Variants in ATG5 observed in about 807,000 individuals in gnomAD.
ATG5 encodes the protein autophagy related 5.
In ATG5, 14 loss-of-function variants were observed where a neutral mutation model predicts 36.5. That is an observed-to-expected ratio of 0.38 (90% CI 0.25 to 0.60). The LOEUF is 0.60. Among genes scored for constraint, ATG5 ranks in the 20% least tolerant of loss-of-function variants. ATG5 has a pLI of 0.60. For missense variants in ATG5, 195 were observed against 326.7 expected, an observed-to-expected ratio of 0.60 and a Z score of 3.11; for synonymous variants, 95 against 101.5, an observed-to-expected ratio of 0.94 and a Z score of 0.38.
rs747729674 is a variant in ATG5 at position 106,279,616 on chromosome 6, T to C, written c.478+45A>G. 4 of 1,364,694 alleles carry C rather than the reference T, an allele frequency of 2.9e-6. No individual in the cohort carries two copies. In the African/African-American group the frequency reaches 4.4e-5, roughly 15 times the overall value. The allele number at this position is 1,364,694 out of a possible 1,614,324, so 84.5% of individuals were successfully genotyped here. A position where few individuals can be genotyped will look rare whatever the true frequency, so the allele number is the denominator to read the frequency against. On this transcript the variant is annotated intron_variant, in intron 5 of 7. Coordinates refer to ENST00000369076, the MANE Select transcript of ATG5 (RefSeq NM_004849.4). ...TACTCACAGGGTTATGGCTGTATCA[T>C]ATTTTATAAAGTGGTATTCTAAAAT...
intron 7 of ATG5, among the ~76,000 whole-genome samples, chr6:106,194,824 G>A (rs1006853654): frequency 6.6e-6 from 1 of 152,052 alleles, no homozygotes; most frequent in Non-Finnish European, 1.5e-5. Flanking sequence ...TTAGAAGACT[G>A]GGAAATGAAG....
intron 5 of ATG5, among the ~76,000 whole-genome samples, chr6:106,270,197 A>G (rs1033505322): frequency 7.9e-5 from 12 of 152,154 alleles, no homozygotes; most frequent in African/African-American, 2.7e-4. Flanking sequence ...ATGAACTCTA[A>G]AAATCTCACC....
intron 4 of ATG5, among the ~76,000 whole-genome samples, chr6:106,280,554 C>T (rs934487833): frequency 2.0e-5 from 3 of 150,342 alleles, no homozygotes; most frequent in Non-Finnish European, 4.4e-5. Flanking sequence ...TTCACTGATT[C>T]TTTTAGGCAG....
At chr6:106,187,945 C>A (rs1326192128) in intron 7 of ATG5, among the ~76,000 whole-genome samples, 1 of 152,200 alleles carries the variant, frequency 6.6e-6, no homozygotes, top group Non-Finnish European at 1.5e-5. Context: ...ATAAAACATT[C>A]CAAACTCCCA....
intron 4 of ATG5, among the ~76,000 whole-genome samples, chr6:106,280,472 T>G (rs188518383): frequency 6.6e-6 from 1 of 152,178 alleles, no homozygotes; most frequent in East Asian, 1.9e-4. Context: ...TTACTATAAG[T>G]CAATTAGACC....
intron 3 of ATG5, among the ~76,000 whole-genome samples, chr6:106,301,176 C>T (rs1582673627): frequency 6.6e-6 from 1 of 151,984 alleles, no homozygotes; most frequent in East Asian, 1.9e-4. Context: ...AAGAAAGAGA[C>T]TCTATTTTGA....
chr6:106,207,833 CCTGTAATTCCAG>C (rs1190976894), intron 6 of ATG5, among the ~76,000 whole-genome samples: 11 of 152,120 alleles, frequency 7.2e-5, no homozygotes, highest in Non-Finnish European at 1.3e-4. Context: ...GTGGCTCATG[CCTGTAATTCCAG>C]CACTTTGGGA....
At chr6:106,279,021 T>C (rs1265402312) in intron 5 of ATG5, among the ~76,000 whole-genome samples, 1 of 152,176 alleles carries the variant, frequency 6.6e-6, no homozygotes, top group Non-Finnish European at 1.5e-5. Context: ...AACTAAACCA[T>C]GATAACTGAA....
At chr6:106,198,271 C>T (rs1174879117) in intron 7 of ATG5, among the ~76,000 whole-genome samples, 2 of 152,022 alleles carry the variant, frequency 1.3e-5, no homozygotes, top group African/African-American at 4.8e-5. Flanking sequence ...CTGGTTGTCT[C>T]TAGAAAGGGG....
At chr6:106,316,011 C>G in intron 2 of ATG5, 90 bp downstream of exon 2, 1 of 1,014,694 alleles carries the variant, frequency 9.9e-7, no homozygotes, top group Non-Finnish European at 1.5e-6. Context: ...GTATCTAAAA[C>G]GTTACATAAT....
intron 5 of ATG5, among the ~76,000 whole-genome samples, chr6:106,270,199 A>T (rs1779400129): frequency 6.6e-6 from 1 of 152,160 alleles, no homozygotes; most frequent in African/African-American, 2.4e-5. Context: ...GAACTCTAAA[A>T]ATCTCACCAT....
chr6:106,193,740 G>C (rs928759592), intron 7 of ATG5, among the ~76,000 whole-genome samples: 1 of 152,096 alleles, frequency 6.6e-6, no homozygotes, highest in African/African-American at 2.4e-5. Context: ...ATTAATATTT[G>C]TCAAGTATGA....
intron 4 of ATG5, among the ~76,000 whole-genome samples, chr6:106,282,602 AT>A (rs886320636): frequency 3.3e-5 from 5 of 152,224 alleles, no homozygotes; most frequent in African/African-American, 1.2e-4. Context: ...AAAACATTCG[AT>A]AAACCATCAT....
intron 6 of ATG5, among the ~76,000 whole-genome samples, chr6:106,234,588 C>A (rs1777819841): frequency 6.6e-6 from 1 of 152,204 alleles, no homozygotes. Context: ...GTCTGTGGTA[C>A]CTTAGCCTAT....
intron 6 of ATG5, among the ~76,000 whole-genome samples, chr6:106,230,418 G>A (rs2114460134): frequency 6.6e-6 from 1 of 152,272 alleles, no homozygotes; most frequent in Middle Eastern, 3.4e-3. Context: ...GCAATGTTGG[G>A]CACGCTGGTA....
In ATG5 at chr6:106,186,334, T is replaced by A; in HGVS notation, c.*206A>T. ...CTTTCATGTCACAGCTGAGGTTTAA[T>A]GATGGCAGTGGAGGAAAGCAGAGGT... On this transcript the variant is annotated 3_prime_UTR_variant, in exon 8 of 8. Coordinates refer to ENST00000369076, the MANE Select transcript of ATG5 (RefSeq NM_004849.4). The A allele has an allele frequency of 7.6e-6, 4 of 528,984 alleles. No individual in the cohort carries two copies. The highest frequency in any genetic ancestry group is 1.3e-5 in the Non-Finnish European group (4 of 303,110). The allele number at this position is 528,984 out of a possible 1,614,324, so 32.8% of individuals were successfully genotyped here.
intron 4 of ATG5, among the ~76,000 whole-genome samples, chr6:106,282,132 A>G (rs1439198237): frequency 1.3e-5 from 2 of 152,204 alleles, no homozygotes; most frequent in African/African-American, 2.4e-5. Context: ...AAAACATACA[A>G]TGCACACATG....
At chr6:106,286,444 T>C (rs2114615914) in intron 4 of ATG5, among the ~76,000 whole-genome samples, 1 of 152,312 alleles carries the variant, frequency 6.6e-6, no homozygotes, top group Admixed American at 6.5e-5. Flanking sequence ...CGGCTAAAAG[T>C]ATATGTTAAC....
intron 6 of ATG5, among the ~76,000 whole-genome samples, chr6:106,238,873 G>GTTA (rs1189342138): frequency 2.0e-5 from 3 of 152,068 alleles, no homozygotes; most frequent in Non-Finnish European, 4.4e-5. Flanking sequence ...GAAGGTCAAC[G>GTTA]TTATGGAATG....
Sources: gnomAD v4.1 joint callset for allele counts (sites outside exome capture counted in the v4.1 genomes callset) on GRCh38, gnomAD v4.1.1 for gene constraint, MANE v1.5 for transcripts, NCBI Gene and HGNC (gene_info 2026-07-23, HGNC 2026-07-21) for gene names.